NRXN1: variants seen among roughly 807,000 people sequenced by gnomAD.
NRXN1 encodes neurexin-1.
Under a neutral mutation model 150.9 loss-of-function variants are expected in NRXN1, and 39 were observed. The ratio of observed to expected loss-of-function variants is 0.26; its 90% CI spans 0.20 to 0.34. The LOEUF (loss-of-function observed/expected upper bound fraction) is 0.34, where lower values mean the gene tolerates loss of function less well. Among genes scored for constraint, NRXN1 ranks in the 10% least tolerant of loss-of-function variants. The pLI is 1.00. For missense variants in NRXN1, 1,815 were observed against 1,949.9 expected, an observed-to-expected ratio of 0.93 and a Z score of 1.30; for synonymous variants, 924 against 757.0, an observed-to-expected ratio of 1.22 and a Z score of -3.62.
At chr2:50,522,640 G>GTAT (rs1433868425) in intron 12 of NRXN1, among the ~76,000 whole-genome samples, 1 of 145,656 alleles carries the variant, frequency 6.9e-6, no homozygotes, top group Non-Finnish European at 1.5e-5. Flanking sequence ...AATGAAAGCT[G>GTAT]TATTCTTCTT....
At chr2:51,010,842 T>C (rs1464278402) in intron 2 of NRXN1, among the ~76,000 whole-genome samples, 1 of 151,710 alleles carries the variant, frequency 6.6e-6, no homozygotes, top group African/African-American at 2.4e-5. Context: ...TAGAGGACAG[T>C]GGCACAATCA....
At chr2:50,249,360 A>G (rs1262354158) in intron 17 of NRXN1, among the ~76,000 whole-genome samples, 2 of 152,064 alleles carry the variant, frequency 1.3e-5, no homozygotes, top group African/African-American at 4.8e-5. Flanking sequence ...CTCTAACTCA[A>G]ATTAATGAGT....
intron 18 of NRXN1, among the ~76,000 whole-genome samples, chr2:50,117,714 A>C (rs993206848): frequency 9.9e-5 from 15 of 151,352 alleles, no homozygotes; most frequent in African/African-American, 3.4e-4. Flanking sequence ...GCCATAGAAG[A>C]GTTTCAATGA....
intron 18 of NRXN1, among the ~76,000 whole-genome samples, chr2:50,218,775 A>G (rs575460275): frequency 2.3e-4 from 35 of 152,062 alleles, no homozygotes; most frequent in African/African-American, 8.4e-4. Flanking sequence ...AGGTCCTGAA[A>G]CTTATCTGAG....
At chr2:50,393,055 C>T (rs1572805573) in intron 17 of NRXN1, among the ~76,000 whole-genome samples, 1 of 151,986 alleles carries the variant, frequency 6.6e-6, no homozygotes, top group African/African-American at 2.4e-5. Flanking sequence ...TTGCAGGCAA[C>T]AAACCCAAGA....
At chr2:50,277,383 T>TC (rs1412429559) in intron 17 of NRXN1, among the ~76,000 whole-genome samples, 1 of 145,542 alleles carries the variant, frequency 6.9e-6, no homozygotes, top group Non-Finnish European at 1.5e-5. Context: ...AAAAGGTCCG[T>TC]CCTTCCTTCC....
intron 5 of NRXN1, among the ~76,000 whole-genome samples, chr2:50,751,554 A>C (rs1403187241): frequency 6.6e-6 from 1 of 151,942 alleles, no homozygotes; most frequent in Non-Finnish European, 1.5e-5. Flanking sequence ...CATTGCCAGC[A>C]TGTAACTCTG....
intron 19 of NRXN1, among the ~76,000 whole-genome samples, chr2:50,083,315 T>C (rs1698244709): frequency 6.6e-6 from 1 of 152,202 alleles, no homozygotes; most frequent in African/African-American, 2.4e-5. Flanking sequence ...AGAAAACATC[T>C]GCATTATCTG....
At chr2:50,286,533 T>C (rs1371368201) in intron 17 of NRXN1, among the ~76,000 whole-genome samples, 3 of 152,150 alleles carry the variant, frequency 2.0e-5, no homozygotes, top group Non-Finnish European at 2.9e-5. Context: ...CATTCATCCA[T>C]TGACAGGTAG....
At chr2:49,924,301 G>A (rs1057479039) in intron 22 of NRXN1, among the ~76,000 whole-genome samples, 1 of 152,162 alleles carries the variant, frequency 6.6e-6, no homozygotes, top group African/African-American at 2.4e-5. Flanking sequence ...TGCCAGAAAG[G>A]AATAGGGAGA....
chr2:50,188,017 C>A (rs905953658), intron 18 of NRXN1, among the ~76,000 whole-genome samples: 1 of 152,102 alleles, frequency 6.6e-6, no homozygotes, highest in African/African-American at 2.4e-5. Flanking sequence ...AACATGTCAT[C>A]TGCAAACAGA....
chr2:50,228,463 T>C (rs2064619770), intron 18 of NRXN1, among the ~76,000 whole-genome samples: 1 of 148,004 alleles, frequency 6.8e-6, no homozygotes, highest in South Asian at 2.1e-4. Context: ...GATTGGGAGA[T>C]GATGAGTTCA....
intron 21 of NRXN1, among the ~76,000 whole-genome samples, chr2:50,006,956 A>T (rs1438919281): frequency 6.6e-6 from 1 of 152,166 alleles, no homozygotes; most frequent in African/African-American, 2.4e-5. Flanking sequence ...CTAGATGCTC[A>T]TCTATGAAGA....
chr2:50,202,574 G>C (rs2062255198), intron 18 of NRXN1, among the ~76,000 whole-genome samples: 1 of 152,070 alleles, frequency 6.6e-6, no homozygotes, highest in Admixed American at 6.6e-5. Flanking sequence ...TTTGAGTTTT[G>C]AGAGGCAAGA....
chr2:50,044,919 ATTTTG>A (rs1260199413), intron 21 of NRXN1, among the ~76,000 whole-genome samples: 13 of 152,158 alleles, frequency 8.5e-5, no homozygotes, highest in Admixed American at 3.3e-4. Flanking sequence ...TACACTGCCT[ATTTTG>A]TTTTGTTTTG....
Position 50,517,439 on chromosome 2 carries a change from C to T in NRXN1, c.2375-10822G>A, listed in dbSNP as rs191008214. ...TTTTTTTTAAATGGTAGATGAAATACCCCTTGATATTAAATTAAGCCAAGT... is the reference window on the plus strand; with the variant it reads ...TTTTTTTTAAATGGTAGATGAAATATCCCTTGATATTAAATTAAGCCAAGT... On this transcript the variant is annotated intron_variant, in intron 12 of 22. Transcript: ENST00000401669. Among the ~76,000 whole-genome samples, 73 of 152,014 alleles carry T rather than the reference C, an allele frequency of 4.8e-4. No individual in the cohort carries two copies. In the East Asian group the frequency reaches 0.012, roughly 24 times the overall value.
At chr2:49,941,653 C>A (rs1362568961) in intron 22 of NRXN1, among the ~76,000 whole-genome samples, 1 of 152,082 alleles carries the variant, frequency 6.6e-6, no homozygotes, top group Non-Finnish European at 1.5e-5. Context: ...TCAGCAAGTC[C>A]TGTAATTAGT....
chr2:50,661,676 G>T (rs975444152), intron 5 of NRXN1, among the ~76,000 whole-genome samples: 16 of 151,974 alleles, frequency 1.1e-4, no homozygotes, highest in Non-Finnish European at 2.1e-4. Context: ...AAATGATGAG[G>T]TTCTATACAG....
chr2:50,677,490 G>T (rs1200144175), intron 5 of NRXN1, among the ~76,000 whole-genome samples: 1 of 152,090 alleles, frequency 6.6e-6, no homozygotes, highest in Non-Finnish European at 1.5e-5. Context: ...TTAGCACTCA[G>T]TTTAAAAAGC....
Sources: gnomAD v4.1 joint callset for allele counts (sites outside exome capture counted in the v4.1 genomes callset) on GRCh38, gnomAD v4.1.1 for gene constraint, MANE v1.5 for transcripts, NCBI Gene and HGNC (gene_info 2026-07-23, HGNC 2026-07-21) for gene names.